The following RBBP8 variants were observed in gnomAD, a reference collection of about 807,000 sequenced individuals.
RBBP8 encodes RB binding protein 8, endonuclease.
In RBBP8, 88 loss-of-function variants were observed where a neutral mutation model predicts 108.3. The ratio of observed to expected loss-of-function variants is 0.81; its 90% CI spans 0.68 to 0.97. The LOEUF is 0.97. RBBP8 is among the 50% of genes least tolerant of loss of function. The pLI is 0.00. For missense variants in RBBP8, 1,023 were observed against 1,049.0 expected (o/e 0.98, Z 0.34); for synonymous variants, 332 against 348.2 (o/e 0.95, Z 0.52).
chr18:22,949,095 C>G (rs1344071927), intron 3 of RBBP8, among the ~76,000 whole-genome samples: 1 of 152,074 alleles, frequency 6.6e-6, no homozygotes, highest in Admixed American at 6.6e-5. Flanking sequence ...ATTAATGTAT[C>G]TACACTTGGT....
intron 4 of RBBP8, among the ~76,000 whole-genome samples, chr18:22,957,232 A>C (rs1285856656): frequency 6.7e-6 from 1 of 150,172 alleles, no homozygotes; most frequent in Admixed American, 6.6e-5. Flanking sequence ...GTGTGCTTTC[A>C]TAGTACTCTG....
At chr18:22,973,388 G>C (rs1914264620) in intron 5 of RBBP8, among the ~76,000 whole-genome samples, 2 of 152,266 alleles carry the variant, frequency 1.3e-5, no homozygotes, top group East Asian at 1.9e-4. Flanking sequence ...GGAAAATCAA[G>C]TAAACCATCT....
intron 3 of RBBP8, among the ~76,000 whole-genome samples, chr18:22,922,653 C>T (rs1264804413): frequency 2.0e-5 from 3 of 152,012 alleles, no homozygotes; most frequent in African/African-American, 4.8e-5. Context: ...TCTGTAGCAA[C>T]GGGGTTTCCT....
chr18:22,934,530 T>G (rs945463591), intron 1 of RBBP8, among the ~76,000 whole-genome samples: 8 of 152,182 alleles, frequency 5.3e-5, no homozygotes, highest in Non-Finnish European at 7.4e-5. Context: ...TATTTTATTA[T>G]TATTTTTTAT....
At chr18:22,923,289 GAATT>G (rs1419191318) in intron 3 of RBBP8, among the ~76,000 whole-genome samples, 2 of 152,112 alleles carry the variant, frequency 1.3e-5, no homozygotes, top group African/African-American at 4.8e-5. Flanking sequence ...TTAAAAATTA[GAATT>G]CATTCAGCAA....
intron 9 of RBBP8, among the ~76,000 whole-genome samples, chr18:22,990,597 C>T (rs1915614579): frequency 6.6e-6 from 1 of 152,128 alleles, no homozygotes; most frequent in South Asian, 2.1e-4. Flanking sequence ...TTAGTACATT[C>T]ATAATATTAT....
intron 12 of RBBP8, among the ~76,000 whole-genome samples, chr18:22,994,427 T>G (rs77857168): frequency 1 from 147,994 of 147,996 alleles, 73,996 homozygotes; most frequent in Non-Finnish European, 1. Flanking sequence ...TGGATCACGA[T>G]GTCAGGAGAT....
intron 4 of RBBP8, among the ~76,000 whole-genome samples, chr18:22,966,226 T>G (rs1483644435): frequency 1.3e-5 from 2 of 152,248 alleles, no homozygotes; most frequent in Non-Finnish European, 2.9e-5. Flanking sequence ...GTGTTGACTT[T>G]ACCATCTTTA....
chr18:23,006,181 G>T (rs1281907737), intron 15 of RBBP8, among the ~76,000 whole-genome samples, 182 bp from the exon 16 acceptor site: 1 of 150,860 alleles, frequency 6.6e-6, no homozygotes, highest in African/African-American at 2.4e-5. Context: ...GCAAGACACC[G>T]GCTCAGAAAA....
chr18:22,982,263 C>A lies in RBBP8; in HGVS notation c.474C>A (p.Asp158Glu), dbSNP rs914646926. 2 of 1,613,978 alleles carry A rather than the reference C, an allele frequency of 1.2e-6. No individual in the cohort carries two copies. Among genetic ancestry groups the A allele is most frequent in the African/African-American group, 2.7e-5 (2 of 74,924 alleles). Residue 158 changes from aspartate to glutamate, a missense_variant, in exon 7 of 19, where the codon GAC becomes GAA. Coordinates refer to ENST00000327155, the MANE Select transcript of RBBP8 (RefSeq NM_002894.3). ...HQAAELECEE[D>E]VIPDSPITAF... ...CAGCTGAGCTTGAATGTGAGGAAGA[C>A]GTTATTCCAGATTCACCGATAACAG...
At chr18:23,022,639 A>AAATAAAATAAG (rs1555650076) in intron 18 of RBBP8, among the ~76,000 whole-genome samples, 1 of 94,238 alleles carries the variant, frequency 1.1e-5, no homozygotes, top group Non-Finnish European at 2.8e-5. Context: ...AAATAAAATA[A>AAATAAAATAAG]ATAAAATACA....
intron 4 of RBBP8, among the ~76,000 whole-genome samples, chr18:22,968,555 T>A (rs1403538121): frequency 6.6e-6 from 1 of 152,230 alleles, no homozygotes; most frequent in African/African-American, 2.4e-5. Context: ...GGTCAGCTTC[T>A]TCAATAAATA....
chr18:22,997,722 G>C lies in RBBP8; in HGVS notation c.2131G>C (p.Glu711Gln), dbSNP rs780021385. ...AATGAAGAAGCAAGAGCAGAAGGGA[G>C]AAAAAAGTTCAAGTAAGATCTGTTT... ...LKMKKQEQKG[E>Q]KSSNEERKMN... Residue 711 changes from glutamate (E) to glutamine (Q), a missense_variant, in exon 14 of 19, where the codon GAA becomes CAA. By Grantham distance (29) the Glu-to-Gln change is conservative (BLOSUM62 2). Coordinates refer to ENST00000327155, the MANE Select transcript of RBBP8 (RefSeq NM_002894.3). 5 of 1,591,454 alleles carry C rather than the reference G, an allele frequency of 3.1e-6. No homozygotes were observed. Among genetic ancestry groups the C allele is most frequent in the Non-Finnish European group, 4.3e-6 (5 of 1,163,634 alleles).
intron 4 of RBBP8, among the ~76,000 whole-genome samples, chr18:22,967,366 A>AG (rs1350719797): frequency 2.4e-5 from 1 of 40,916 alleles, no homozygotes; most frequent in East Asian, 7.2e-4. Flanking sequence ...ACTCCGTCTC[A>AG]AAAAAAAAAA....
rs745678667 is a variant in RBBP8 at position 22,982,214 on chromosome 18, C to G, written c.429-4C>G. On this transcript the variant is annotated splice_polypyrimidine_tract_variant and splice_region_variant and intron_variant, in intron 6 of 18. Transcript: ENST00000327155. Reference sequence around the variant, plus strand: ...ATTTTCTTTCCATTGTCATTCTTCTCTAGGAATGATCAACAGCATCAAGCA... The same window carrying G: ...ATTTTCTTTCCATTGTCATTCTTCTGTAGGAATGATCAACAGCATCAAGCA... 8 of 1,612,038 alleles carry G rather than the reference C, an allele frequency of 5.0e-6. No individual in the cohort carries two copies. The Admixed American group carries it at 5.0e-5, about 10-fold the overall frequency.
upstream of RBBP8, among the ~76,000 whole-genome samples, chr18:22,929,662 A>G (rs1413797586): frequency 1.3e-5 from 2 of 152,026 alleles, no homozygotes; most frequent in African/African-American, 4.8e-5. Context: ...GGTTACAGAT[A>G]TGAGCCACCC....
intron 14 of RBBP8, among the ~76,000 whole-genome samples, 161 bp downstream of exon 14, chr18:22,997,895 C>T (rs920909412): frequency 1.3e-5 from 2 of 151,842 alleles, no homozygotes; most frequent in African/African-American, 4.8e-5. Flanking sequence ...AGTTTCAGTG[C>T]GTCAGAAAAA....
intron 4 of RBBP8, among the ~76,000 whole-genome samples, chr18:22,960,171 G>A (rs1912964213): frequency 6.6e-6 from 1 of 152,106 alleles, no homozygotes; most frequent in African/African-American, 2.4e-5. Context: ...GGGATTACAG[G>A]CATGAGCCAC....
chr18:22,959,876 T>TTTC (rs1912925099), intron 4 of RBBP8, among the ~76,000 whole-genome samples: 1 of 146,144 alleles, frequency 6.8e-6, no homozygotes, highest in Non-Finnish European at 1.5e-5. Flanking sequence ...CTTTCTTTTT[T>TTTC]TTTTTTTTTT....
Sources: gnomAD v4.1 joint callset for allele counts (sites outside exome capture counted in the v4.1 genomes callset) on GRCh38, gnomAD v4.1.1 for gene constraint, MANE v1.5 for transcripts, NCBI Gene and HGNC (gene_info 2026-07-23, HGNC 2026-07-21) for gene names.